CHRNA6: variants seen among roughly 807,000 people sequenced by gnomAD.
CHRNA6 encodes the protein neuronal acetylcholine receptor subunit alpha-6.
A neutral mutation model predicts 40.9 loss-of-function variants in CHRNA6; 31 were observed. The observed-to-expected ratio is 0.76, with a 90% CI of 0.57 to 1.02. CHRNA6 has a LOEUF of 1.02. CHRNA6 is among the 50% of genes least tolerant of loss of function. The pLI is 0.00. For missense variants in CHRNA6, 546 were observed against 596.6 expected (o/e 0.92, Z 0.88); for synonymous variants, 222 against 221.3 (o/e 1.00, Z -0.03).
intron 5 of CHRNA6, 73 bp from the exon 6 acceptor site, chr8:42,753,383 T>A: frequency 2.2e-6 from 3 of 1,337,366 alleles, no homozygotes. Context: ...GTTTCATCAA[T>A]AAGCTGCTTC....
Position 42,756,336 on chromosome 8 carries a change from A to G in CHRNA6, c.863T>C (p.Val288Ala), listed in dbSNP as rs373608967. The G allele has an allele frequency of 2.5e-6, 4 of 1,614,138 alleles. No individual in the cohort carries two copies. Among genetic ancestry groups the G allele is most frequent in the African/African-American group, 2.7e-5 (2 of 74,938 alleles). Residue 288 changes from valine (V) to alanine (A), a missense_variant, in exon 5 of 6, where the codon GTC (valine) becomes GCC (alanine). Physicochemically the swap from Val to Ala is moderately conservative, Grantham distance 64. Transcript: ENST00000276410. ...VLLSLTVFLL[V>A]ITETIPSTSL... ...TGTGGATGGGATGGTTTCTGTGATG[A>G]CCAGCAAAAACACAGTCAGAGAAAG...
At chr8:42,767,215 C>T (rs1382205112) in intron 1 of CHRNA6, among the ~76,000 whole-genome samples, 1 of 152,232 alleles carries the variant, frequency 6.6e-6, no homozygotes, top group East Asian at 1.9e-4. Context: ...GATCCGCCTG[C>T]CTCTGCCTCC....
chr8:42,768,146 C>T (rs1816997919), intron 1 of CHRNA6, among the ~76,000 whole-genome samples: 1 of 152,164 alleles, frequency 6.6e-6, no homozygotes. Flanking sequence ...TGGTCCTCTC[C>T]TCCCCACCCT....
At chr8:42,768,306 A>G (rs369103835) in intron 1 of CHRNA6, 46 bp downstream of exon 1, 3 of 1,445,798 alleles carry the variant, frequency 2.1e-6, no homozygotes, top group Non-Finnish European at 2.9e-6. Flanking sequence ...GAGTAAACAC[A>G]TGTAGCTAAA....
chr8:42,759,502 GT>G, intron 2 of CHRNA6: 1 of 180,942 alleles, frequency 5.5e-6, no homozygotes, highest in Non-Finnish European at 1.2e-5. Context: ...CCCGCACAGT[GT>G]TTTTGCCTGT....
At chr8:42,758,352 G>GT (rs113570598) in intron 3 of CHRNA6, among the ~76,000 whole-genome samples, 5,071 of 146,286 alleles carry the variant, frequency 0.035, 77 homozygotes, top group African/African-American at 0.046. Context: ...CTTCCTTTCT[G>GT]TTTTTTTTTT....
At chr8:42,758,964 G>A in intron 3 of CHRNA6, 105 bp downstream of exon 3, 1 of 906,122 alleles carries the variant, frequency 1.1e-6, no homozygotes, top group Non-Finnish European at 1.8e-6. Flanking sequence ...ATGACCTAGT[G>A]GATAATATTT....
At chr8:42,764,182 G>A (rs1816941249) in intron 2 of CHRNA6, among the ~76,000 whole-genome samples, 1 of 152,114 alleles carries the variant, frequency 6.6e-6, no homozygotes, top group Non-Finnish European at 1.5e-5. Flanking sequence ...CAATGGGGGG[G>A]CGCAAAGATT....
rs375308043 is a variant in CHRNA6 at position 42,756,013 on chromosome 8, A to G, written c.1186T>C (p.Phe396Leu). Residue 396 changes from phenylalanine to leucine, a missense_variant, in exon 5 of 6, where the codon TTC becomes CTC. By Grantham distance (22) the Phe-to-Leu change is conservative. This residue lies in a region of CHRNA6 where 476 missense variants were observed against 494.5 expected (regional missense o/e 0.96). Transcript: ENST00000276410. ...AGCTCATTTGATTTGTGACAATGGA[A>G]GCATTCTTTAAGATGTCTGGGTTCC... The part of the protein sequence containing the change: ...HGEPRHLKEC[F>L]HCHKSNELAT... The G allele has an allele frequency of 2.1e-5, 34 of 1,614,148 alleles. No individual in the cohort carries two copies. Among genetic ancestry groups the G allele is most frequent in the Middle Eastern group, 3.3e-4 (2 of 6,084 alleles).
At chr8:42,758,159 G>A (rs941672878) in intron 3 of CHRNA6, among the ~76,000 whole-genome samples, 1 of 152,154 alleles carries the variant, frequency 6.6e-6, no homozygotes, top group African/African-American at 2.4e-5. Flanking sequence ...TAGCTGAGCT[G>A]ATTTAGGCAA....
rs201193214 is a variant in CHRNA6 at position 42,756,174 on chromosome 8, T to C, written c.1025A>G (p.Lys342Arg). 1.5e-5 allele frequency: 25 copies of C among 1,614,140 alleles called. No individual in the cohort carries two copies. The highest frequency in any genetic ancestry group is 2.1e-5 in the Non-Finnish European group (25 of 1,180,048). The change falls in exon 5 of 6, where the codon AAG becomes AGG. Residue 342 changes from lysine (K) to arginine (R), a missense_variant. Around this residue, in one of 3 missense-constraint regions of CHRNA6, gnomAD observed 476 missense variants for 494.5 expected, o/e 0.96. Transcript: ENST00000276410. Reference protein sequence around the residue: ...PTTHTMPRWVKTVFLKLLPQV... With the variant: ...PTTHTMPRWVRTVFLKLLPQV... ...GGGCAGCAGCTTCAGGAAAACTGTC[T>C]TCACCCACCTGGGCATTGTGTGCGT...
chr8:42,753,133 A>G lies in CHRNA6; in HGVS notation c.*46T>C. 1.3e-6 allele frequency: 2 copies of G among 1,553,488 alleles called. No homozygotes were observed. The highest frequency in any genetic ancestry group is 1.7e-6 in the Non-Finnish European group (2 of 1,150,782). ...CTTTCCTTGTGGCAGGGAATGCAGA[A>G]CAAATATGGTGTCTGTAAATTTCTG... On this transcript the variant is annotated 3_prime_UTR_variant, in exon 6 of 6. Coordinates refer to ENST00000276410, the MANE Select transcript of CHRNA6 (RefSeq NM_004198.3).
In CHRNA6 at chr8:42,759,109, T is replaced by C. The variant is rs1173291808; in HGVS notation, c.224A>G (p.Glu75Gly). The C allele has an allele frequency of 1.2e-6, 2 of 1,612,702 alleles. No homozygotes were observed. The highest frequency in any genetic ancestry group is 2.2e-5 in the South Asian group (2 of 91,034). Reference protein sequence around the residue: ...VAITQLANVDEVNQIMETNLW... With the variant: ...VAITQLANVDGVNQIMETNLW... Reference sequence around the variant, plus strand: ...ATTGGTTTCCATGATCTGGTTTACTTCATCCTGGGAAGAAGAAATAATACT... The same window carrying C: ...ATTGGTTTCCATGATCTGGTTTACTCCATCCTGGGAAGAAGAAATAATACT... Residue 75 changes from glutamate to glycine, a missense_variant, in exon 3 of 6, where the codon GAA (glutamate) becomes GGA (glycine). Glu to Gly is a moderately conservative substitution (Grantham distance 98). This residue lies in a region of CHRNA6 where 476 missense variants were observed against 494.5 expected (regional missense o/e 0.96). Coordinates refer to ENST00000276410, the MANE Select transcript of CHRNA6 (RefSeq NM_004198.3).
chr8:42,760,232 TACAC>T (rs903000054), intron 2 of CHRNA6, among the ~76,000 whole-genome samples: 1 of 149,724 alleles, frequency 6.7e-6, no homozygotes, highest in Non-Finnish European at 1.5e-5. Flanking sequence ...CGCACACTCA[TACAC>T]ACGCACACTC....
intron 1 of CHRNA6, among the ~76,000 whole-genome samples, chr8:42,767,347 G>A (rs1324743224): frequency 1.3e-5 from 2 of 152,266 alleles, no homozygotes; most frequent in Non-Finnish European, 2.9e-5. Context: ...ATAACTTTAT[G>A]CATATCTCTT....
chr8:42,764,006 C>A (rs1159086340), intron 2 of CHRNA6, among the ~76,000 whole-genome samples: 1 of 152,158 alleles, frequency 6.6e-6, no homozygotes, highest in Non-Finnish European at 1.5e-5. Flanking sequence ...GAGCAGGGCT[C>A]CCCCTCTGTG....
At chr8:42,755,645 T>G (rs1180518806) in intron 5 of CHRNA6, among the ~76,000 whole-genome samples, 1 of 152,180 alleles carries the variant, frequency 6.6e-6, no homozygotes, top group Non-Finnish European at 1.5e-5. Context: ...GCTCTGGGGC[T>G]ATTGCACCTG....
intron 3 of CHRNA6, 118 bp from the exon 4 acceptor site, chr8:42,757,155 C>T: frequency 1.4e-6 from 1 of 698,382 alleles, no homozygotes; most frequent in South Asian, 1.7e-5. Flanking sequence ...CACTTGAGGT[C>T]AGGAGGTCGA....
chr8:42,768,580 C>T lies in CHRNA6; in HGVS notation c.-150G>A. On this transcript the variant is annotated 5_prime_UTR_variant, in exon 1 of 6. Transcript: ENST00000276410. Reference sequence around the variant, plus strand: ...CTCAGAAATCAAAACATCCCCGGGACTTCACACGGTTATTACCAGGATCAG... The same window carrying T: ...CTCAGAAATCAAAACATCCCCGGGATTTCACACGGTTATTACCAGGATCAG... 1 of 594,294 alleles carries T rather than the reference C, an allele frequency of 1.7e-6. No individual in the cohort carries two copies. Among genetic ancestry groups the T allele is most frequent in the Non-Finnish European group, 3.1e-6 (1 of 325,958 alleles). 36.8% of individuals were successfully genotyped at this position (594,294 alleles called of 1,614,324 possible).
Sources: allele counts gnomAD v4.1 joint callset (sites outside exome capture counted in the v4.1 genomes callset), GRCh38; gene constraint gnomAD v4.1.1; regional missense constraint gnomAD v4.1.1; transcripts MANE v1.5; gene names NCBI Gene and HGNC (gene_info 2026-07-23, HGNC 2026-07-21).